Variants in HS3ST4 observed in about 807,000 individuals in gnomAD.
The protein encoded by HS3ST4 is heparan sulfate-glucosamine 3-sulfotransferase 4, also known as heparan sulfate glucosamine 3-O-sulfotransferase 4.
A neutral mutation model predicts 29.2 loss-of-function variants in HS3ST4; 17 were observed. The observed-to-expected ratio is 0.58, with a 90% confidence interval of 0.40 to 0.87. HS3ST4 has a LOEUF of 0.87. Among genes scored for constraint, HS3ST4 ranks in the 40% least tolerant of loss-of-function variants. HS3ST4 has a pLI of 0.00. For missense variants in HS3ST4, 627 were observed against 634.5 expected (o/e 0.99, Z 0.13); for synonymous variants, 314 against 285.7 (o/e 1.10, Z -1.00).
At chr16:25,945,764 G>C (rs942266888) in intron 1 of HS3ST4, among the ~76,000 whole-genome samples, 1 of 152,158 alleles carries the variant, frequency 6.6e-6, no homozygotes, top group Non-Finnish European at 1.5e-5. Flanking sequence ...CCAAAACTCA[G>C]TTTCTCCATG....
At chr16:25,883,635 C>G (rs894585623) in intron 1 of HS3ST4, among the ~76,000 whole-genome samples, 2 of 152,144 alleles carry the variant, frequency 1.3e-5, no homozygotes, top group Non-Finnish European at 2.9e-5. Context: ...AAAGCAGTGA[C>G]ATTTCAGGAA....
chr16:25,861,028 C>T lies in HS3ST4; in HGVS notation c.734+167877C>T, dbSNP rs182129222. 2.7e-3 allele frequency among the ~76,000 whole-genome samples: 407 copies of T among 152,222 alleles called. 2 individuals carry two copies. The highest frequency in any genetic ancestry group is 3.4e-3 in the Middle Eastern group (1 of 294). The stretch of plus-strand genomic sequence containing the variant: ...TTAATTTTGCTGTGAACCTAAAACT[C>T]CTATAAAGAAAAGTAAAGTCTTAAA... On this transcript the variant is annotated intron_variant, in intron 1 of 1. Coordinates refer to ENST00000331351, the MANE Select transcript of HS3ST4 (RefSeq NM_006040.3).
intron 1 of HS3ST4, among the ~76,000 whole-genome samples, chr16:25,954,423 A>G (rs957787569): frequency 2.6e-5 from 4 of 152,146 alleles, no homozygotes; most frequent in African/African-American, 9.7e-5. Flanking sequence ...GCTTGATCAC[A>G]CTGACCACTC....
intron 1 of HS3ST4, among the ~76,000 whole-genome samples, chr16:25,782,298 C>T (rs1966853370): frequency 6.6e-6 from 1 of 152,172 alleles, no homozygotes; most frequent in Admixed American, 6.5e-5. Context: ...GGACACAAAG[C>T]TAACCATGTC....
intron 1 of HS3ST4, among the ~76,000 whole-genome samples, chr16:25,700,943 T>C (rs185195079): frequency 4.0e-5 from 6 of 151,290 alleles, no homozygotes; most frequent in Non-Finnish European, 5.9e-5. Context: ...TTAGACAATA[T>C]TTTTTTCAGT....
chr16:25,700,360 C>A (rs1039359049), intron 1 of HS3ST4, among the ~76,000 whole-genome samples: 2 of 152,130 alleles, frequency 1.3e-5, no homozygotes, highest in Non-Finnish European at 2.9e-5. Context: ...TTTAGGATGC[C>A]AGGAGCCTGT....
chr16:26,081,531 C>G (rs113070904), intron 1 of HS3ST4, among the ~76,000 whole-genome samples: 4,630 of 152,238 alleles, frequency 0.03, 86 homozygotes, highest in Middle Eastern at 0.061. Context: ...AAATCCTGTG[C>G]AGTCTGTCCA....
intron 1 of HS3ST4, among the ~76,000 whole-genome samples, chr16:25,804,687 A>G (rs1241020210): frequency 6.6e-6 from 1 of 151,934 alleles, no homozygotes; most frequent in Non-Finnish European, 1.5e-5. Flanking sequence ...TTTGTTCTTT[A>G]AATTTATCCT....
chr16:25,891,180 G>C lies in HS3ST4; in HGVS notation c.734+198029G>C, dbSNP rs144538280. Among the ~76,000 whole-genome samples the C allele has an allele frequency of 2.8e-3, 429 of 152,282 alleles. 2 individuals carry two copies. Among genetic ancestry groups the C allele is most frequent in the Non-Finnish European group, 4.2e-3 (285 of 68,022 alleles). On this transcript the variant is annotated intron_variant, in intron 1 of 1. Transcript: ENST00000331351. ...CAGACTACAGTGAGCCTGTCACCGG[G>C]TATTAGGAACTGAACCAGATACTGT... is the stretch of plus-strand genomic sequence containing the variant.
intron 1 of HS3ST4, among the ~76,000 whole-genome samples, chr16:25,725,694 A>G (rs1467984298): frequency 6.6e-6 from 1 of 151,172 alleles, no homozygotes; most frequent in Non-Finnish European, 1.5e-5. Context: ...TGCAATTTAT[A>G]TATAATTTAA....
intron 1 of HS3ST4, among the ~76,000 whole-genome samples, chr16:25,769,810 A>C (rs2141610444): frequency 6.6e-6 from 1 of 152,292 alleles, no homozygotes; most frequent in African/African-American, 2.4e-5. Flanking sequence ...CCCTTTGTGT[A>C]GATGCCAGAG....
intron 1 of HS3ST4, among the ~76,000 whole-genome samples, chr16:25,721,506 T>C: frequency 6.6e-6 from 1 of 152,236 alleles, no homozygotes; most frequent in Non-Finnish European, 1.5e-5. Context: ...TTCAAAGGAA[T>C]TAACATTTCC....
At chr16:25,897,394 G>A (rs1968077507) in intron 1 of HS3ST4, among the ~76,000 whole-genome samples, 1 of 152,166 alleles carries the variant, frequency 6.6e-6, no homozygotes, top group Non-Finnish European at 1.5e-5. Context: ...CGAGGCTGCA[G>A]TGAGCCAGGA....
intron 1 of HS3ST4, among the ~76,000 whole-genome samples, chr16:25,881,010 T>G (rs1967889425): frequency 6.6e-6 from 1 of 152,052 alleles, no homozygotes; most frequent in Admixed American, 6.6e-5. Flanking sequence ...GGCTCACCCA[T>G]CAAGGAGACA....
chr16:26,049,361 AGGTCTACATCCGGAGGTCTACATCCG>A (rs1898308199), intron 1 of HS3ST4, among the ~76,000 whole-genome samples: 3 of 150,408 alleles, frequency 2.0e-5, no homozygotes, highest in African/African-American at 7.3e-5. Flanking sequence ...CTACATCCGG[AGGTCTACATCCGGAGGTCTACATCCG>A]GAGGTCTACA....
chr16:26,135,575 G>A, intron 1 of HS3ST4, 37 bp from the exon 2 acceptor site: 1 of 1,542,428 alleles, frequency 6.5e-7, no homozygotes, highest in Non-Finnish European at 8.7e-7. Context: ...TTCTGGACAG[G>A]AATAACCATT....
At chr16:26,110,756 C>T (rs563622893) in intron 1 of HS3ST4, among the ~76,000 whole-genome samples, 64 of 152,276 alleles carry the variant, frequency 4.2e-4, no homozygotes, top group South Asian at 3.1e-3. Context: ...GGACTCCTCA[C>T]GGCACTCAGA....
At chr16:25,935,367 T>C (rs1291822771) in intron 1 of HS3ST4, among the ~76,000 whole-genome samples, 1 of 152,204 alleles carries the variant, frequency 6.6e-6, no homozygotes, top group Non-Finnish European at 1.5e-5. Flanking sequence ...CTCTTGGTGT[T>C]GTCCATTGTA....
chr16:25,963,958 G>A (rs1968818409), intron 1 of HS3ST4, among the ~76,000 whole-genome samples: 1 of 152,146 alleles, frequency 6.6e-6, no homozygotes, highest in Admixed American at 6.5e-5. Context: ...ATCACCTGAG[G>A]TCAGGAGTTC....
Sources: gnomAD v4.1 joint callset for allele counts (sites outside exome capture counted in the v4.1 genomes callset) on GRCh38, gnomAD v4.1.1 for gene constraint, MANE v1.5 for transcripts, NCBI Gene and HGNC (gene_info 2026-07-23, HGNC 2026-07-21) for gene names.